Variants in GRIA2 observed in about 807,000 individuals in gnomAD.
GRIA2 encodes the protein glutamate ionotropic receptor AMPA type subunit 2.
GRIA2 carries 14 observed loss-of-function variants against 97.3 expected under a neutral mutation model. The ratio of observed to expected loss-of-function variants is 0.14; its 90% confidence interval spans 0.10 to 0.23. GRIA2 has a LOEUF of 0.23. GRIA2 is among the 10% of genes least tolerant of loss of function. The pLI, the probability that GRIA2 is intolerant of heterozygous loss-of-function variation, is 1.00. For missense variants in GRIA2, 558 were observed against 1,069.8 expected (o/e 0.52, Z 6.67); for synonymous variants, 412 against 387.8 (o/e 1.06, Z -0.73).
intron 2 of GRIA2, among the ~76,000 whole-genome samples, chr4:157,299,486 C>CA (rs924283021): frequency 4.0e-5 from 6 of 151,696 alleles, no homozygotes; most frequent in South Asian, 2.1e-4. Flanking sequence ...ATATGTAAAA[C>CA]AAAAAAAACA....
intron 2 of GRIA2, among the ~76,000 whole-genome samples, chr4:157,285,129 T>C (rs1732779352): frequency 6.6e-6 from 1 of 151,664 alleles, no homozygotes; most frequent in African/African-American, 2.4e-5. Context: ...GCAGGGTACC[T>C]CAATTGGTCT....
Position 157,361,423 on chromosome 4 carries a change from A to T in GRIA2, c.2406+299A>T. On this transcript the variant is annotated intron_variant, in intron 14 of 15. Transcript: ENST00000264426. This position sits in a 1 kb window ranked among gnomAD's most constrained non-coding sequence, Gnocchi z 5.2. ...GCTCTGCAAATCTTACCGTTTGCTT[A>T]GGCCAAATGGCGCATCAATGACTAT... is the stretch of plus-strand genomic sequence containing the variant. The T allele has an allele frequency of 1.2e-6, 1 of 826,824 alleles. No individual in the cohort carries two copies. Among genetic ancestry groups the T allele is most frequent in the Non-Finnish European group, 2.0e-6 (1 of 512,412 alleles). 51.2% of individuals were successfully genotyped at this position (826,824 alleles called of 1,614,324 possible).
intron 2 of GRIA2, among the ~76,000 whole-genome samples, chr4:157,223,110 A>G (rs1013426959): frequency 2.6e-5 from 4 of 152,188 alleles, no homozygotes; most frequent in African/African-American, 9.7e-5. Context: ...TTCCCACGTC[A>G]CACAAACAAC....
At chr4:157,274,449 G>A (rs1163440208) in intron 2 of GRIA2, among the ~76,000 whole-genome samples, 5 of 150,844 alleles carry the variant, frequency 3.3e-5, no homozygotes, top group Admixed American at 6.6e-5. Flanking sequence ...CATGTGCCAC[G>A]TTGGTGTGCT....
intron 2 of GRIA2, among the ~76,000 whole-genome samples, chr4:157,280,759 T>C (rs556532953): frequency 3.3e-5 from 5 of 152,116 alleles, no homozygotes; most frequent in Non-Finnish European, 5.9e-5. Context: ...TACATTTGCT[T>C]ATGTCCCATT....
intron 2 of GRIA2, among the ~76,000 whole-genome samples, chr4:157,298,030 TA>T (rs1368976280): frequency 7.9e-5 from 12 of 152,040 alleles, no homozygotes; most frequent in South Asian, 2.1e-4. Flanking sequence ...ATGAGACCGC[TA>T]AAAGATAGAT....
At chr4:157,243,347 A>C (rs56190081) in intron 2 of GRIA2, among the ~76,000 whole-genome samples, 6 of 152,052 alleles carry the variant, frequency 3.9e-5, no homozygotes, top group Non-Finnish European at 7.4e-5. Flanking sequence ...AAAGGATTTC[A>C]CCTTGCTCTG....
At chr4:157,261,840 C>G (rs1431466508) in intron 2 of GRIA2, among the ~76,000 whole-genome samples, 1 of 151,836 alleles carries the variant, frequency 6.6e-6, no homozygotes, top group African/African-American at 2.4e-5. Context: ...CCTCCTATAC[C>G]CTACTCTTCC....
chr4:157,303,259 C>T (rs1733693778), intron 2 of GRIA2, among the ~76,000 whole-genome samples: 1 of 152,122 alleles, frequency 6.6e-6, no homozygotes, highest in South Asian at 2.1e-4. Context: ...TTTACCCATA[C>T]ATTTTTCATA....
At chr4:157,350,732 A>G (rs1186276002) in intron 12 of GRIA2, among the ~76,000 whole-genome samples, 1 of 152,098 alleles carries the variant, frequency 6.6e-6, no homozygotes, top group Non-Finnish European at 1.5e-5. Flanking sequence ...CTATAATTTC[A>G]TTTAAAATCT....
chr4:157,298,359 T>G (rs1020145147), intron 2 of GRIA2, among the ~76,000 whole-genome samples: 2 of 152,036 alleles, frequency 1.3e-5, no homozygotes, highest in Non-Finnish European at 2.9e-5. Flanking sequence ...GAATAAAATT[T>G]AAATGGTGAT....
intron 12 of GRIA2, among the ~76,000 whole-genome samples, chr4:157,352,794 C>T (rs561321779): frequency 4.1e-4 from 62 of 151,162 alleles, no homozygotes; most frequent in Non-Finnish European, 6.6e-4. Flanking sequence ...GGTGCACACC[C>T]ATAATCCCAG....
chr4:157,254,689 A>G (rs1010794021), intron 2 of GRIA2, among the ~76,000 whole-genome samples: 9 of 152,012 alleles, frequency 5.9e-5, no homozygotes, highest in Non-Finnish European at 1.3e-4. Flanking sequence ...TGTCACCCGG[A>G]GTTGGAGAGG....
chr4:157,352,852 A>T (rs1446330829), intron 12 of GRIA2, among the ~76,000 whole-genome samples: 1 of 152,048 alleles, frequency 6.6e-6, no homozygotes, highest in Non-Finnish European at 1.5e-5. Flanking sequence ...CAGGAATTTG[A>T]ATTTGAGACC....
intron 6 of GRIA2, among the ~76,000 whole-genome samples, chr4:157,331,293 T>G (rs999325433): frequency 2.0e-5 from 3 of 152,006 alleles, no homozygotes; most frequent in Non-Finnish European, 4.4e-5. Flanking sequence ...TTTTTTTTAA[T>G]GTAGTTAACC....
intron 13 of GRIA2, 118 bp from the exon 14 acceptor site, chr4:157,360,892 T>C: frequency 1.3e-6 from 1 of 748,720 alleles, no homozygotes; most frequent in South Asian, 1.6e-5. Flanking sequence ...TTTTTCCCAC[T>C]TCATTTTTTT....
chr4:157,224,006 A>C (rs1294579794), intron 2 of GRIA2, among the ~76,000 whole-genome samples: 1 of 152,206 alleles, frequency 6.6e-6, no homozygotes, highest in African/African-American at 2.4e-5. Context: ...ATATGTGTAT[A>C]TATTAAACAC....
chr4:157,224,413 G>A (rs1729651062), intron 2 of GRIA2, among the ~76,000 whole-genome samples: 2 of 152,088 alleles, frequency 1.3e-5, no homozygotes, highest in South Asian at 4.1e-4. Flanking sequence ...AATTTCTGGG[G>A]CTGACATTAA....
At chr4:157,274,754 A>G (rs1339521468) in intron 2 of GRIA2, among the ~76,000 whole-genome samples, 1 of 151,404 alleles carries the variant, frequency 6.6e-6, no homozygotes, top group Non-Finnish European at 1.5e-5. Context: ...CATTTTCTTA[A>G]TCCAGTCTAT....
Sources: gnomAD v4.1 joint callset for allele counts (sites outside exome capture counted in the v4.1 genomes callset) on GRCh38, gnomAD v4.1.1 for gene constraint, Gnocchi (gnomAD v3.1) non-coding constraint, MANE v1.5 for transcripts, NCBI Gene and HGNC (gene_info 2026-07-23, HGNC 2026-07-21) for gene names.